Variants in ATP6V1H observed in about 807,000 individuals in gnomAD.
ATP6V1H encodes the protein ATPase H+ transporting V1 subunit H.
ATP6V1H carries 39 observed loss-of-function variants against 71.7 expected under a neutral mutation model. The observed-to-expected ratio is 0.54, with a 90% CI of 0.42 to 0.71. The LOEUF (loss-of-function observed/expected upper bound fraction) is 0.71. Ranked by LOEUF, ATP6V1H falls within the 30% of genes least tolerant of loss-of-function variation. The pLI is 0.00. For missense variants in ATP6V1H, 509 were observed against 594.9 expected, an observed-to-expected ratio of 0.86 and a Z score of 1.50; for synonymous variants, 192 against 199.3, an observed-to-expected ratio of 0.96 and a Z score of 0.31.
intron 2 of ATP6V1H, among the ~76,000 whole-genome samples, chr8:53,838,177 G>A (rs1164584832): frequency 2.0e-5 from 3 of 151,156 alleles, no homozygotes; most frequent in Non-Finnish European, 4.4e-5. Context: ...CCAGGCTGGA[G>A]TGCAGTGGTG....
intron 12 of ATP6V1H, among the ~76,000 whole-genome samples, chr8:53,751,802 T>TA (rs1807808461): frequency 1.3e-5 from 2 of 152,048 alleles, no homozygotes; most frequent in South Asian, 4.2e-4. Context: ...CCTGAGTAGC[T>TA]GGGACTACAG....
At chr8:53,815,242 T>C (rs992572048) in intron 5 of ATP6V1H, among the ~76,000 whole-genome samples, 16 of 152,178 alleles carry the variant, frequency 1.1e-4, no homozygotes, top group Non-Finnish European at 1.9e-4. Flanking sequence ...ATTAGTCGTC[T>C]CTCCCAACAT....
At chr8:53,832,102 T>C (rs781541642) in intron 3 of ATP6V1H, 1 of 152,120 alleles carries the variant, frequency 6.6e-6, no homozygotes, top group Non-Finnish European at 1.5e-5. Context: ...CACAGAAATA[T>C]CTTTACAGGC....
intron 12 of ATP6V1H, among the ~76,000 whole-genome samples, chr8:53,750,238 A>T (rs1442072019): frequency 6.6e-6 from 1 of 152,230 alleles, no homozygotes; most frequent in Non-Finnish European, 1.5e-5. Flanking sequence ...TACGAAAACA[A>T]GTAATTGGAT....
chr8:53,836,740 G>A (rs536816370), intron 2 of ATP6V1H, among the ~76,000 whole-genome samples: 1 of 152,164 alleles, frequency 6.6e-6, no homozygotes, highest in African/African-American at 2.4e-5. Flanking sequence ...CACTTACGCA[G>A]AGGCATTCAG....
chr8:53,833,606 T>A (rs929766449), intron 2 of ATP6V1H, among the ~76,000 whole-genome samples: 7 of 151,778 alleles, frequency 4.6e-5, no homozygotes, highest in African/African-American at 1.5e-4. Context: ...TAACTCTCCA[T>A]CCTGACCCCA....
intron 13 of ATP6V1H, among the ~76,000 whole-genome samples, chr8:53,727,699 G>C (rs551660221): frequency 6.6e-6 from 1 of 152,036 alleles, no homozygotes; most frequent in African/African-American, 2.4e-5. Context: ...TAAATATGTC[G>C]CTCTAGCTTA....
intron 13 of ATP6V1H, among the ~76,000 whole-genome samples, chr8:53,730,475 T>C (rs1183874808): frequency 6.6e-6 from 1 of 152,216 alleles, no homozygotes; most frequent in East Asian, 1.9e-4. Context: ...TTTATTAAAA[T>C]ATTGCAAAGT....
At chr8:53,750,866 T>G (rs1160527138) in intron 12 of ATP6V1H, among the ~76,000 whole-genome samples, 1 of 152,136 alleles carries the variant, frequency 6.6e-6, no homozygotes, top group Non-Finnish European at 1.5e-5. Context: ...AGCAGACACT[T>G]TACTTGACAA....
chr8:53,785,899 GT>G (rs1408748158), intron 9 of ATP6V1H, among the ~76,000 whole-genome samples: 1 of 152,194 alleles, frequency 6.6e-6, no homozygotes, highest in Non-Finnish European at 1.5e-5. Flanking sequence ...TCCTCTGGAA[GT>G]TTTGTCTCAG....
At chr8:53,784,566 T>A (rs1006958368) in intron 9 of ATP6V1H, among the ~76,000 whole-genome samples, 1 of 152,230 alleles carries the variant, frequency 6.6e-6, no homozygotes. Flanking sequence ...ATGTGTGAAT[T>A]TGATCCTGTC....
intron 9 of ATP6V1H, among the ~76,000 whole-genome samples, chr8:53,776,223 G>A (rs1808884502): frequency 6.6e-6 from 1 of 152,198 alleles, no homozygotes; most frequent in African/African-American, 2.4e-5. Flanking sequence ...CGCCCACCCA[G>A]AACTCCAGCT....
intron 4 of ATP6V1H, among the ~76,000 whole-genome samples, chr8:53,821,109 G>A (rs1249936891): frequency 2.7e-5 from 4 of 149,000 alleles, no homozygotes; most frequent in Admixed American, 2.0e-4. Context: ...AGTAGCTCAC[G>A]CCTGTAATTC....
intron 13 of ATP6V1H, 115 bp downstream of exon 13, chr8:53,743,462 T>C (rs1049833330): frequency 1.3e-6 from 1 of 763,234 alleles, no homozygotes; most frequent in African/African-American, 1.8e-5. Context: ...AAATTTTGAA[T>C]CAAAATAACT....
At chr8:53,740,710 G>A (rs1807377191) in intron 13 of ATP6V1H, among the ~76,000 whole-genome samples, 1 of 152,176 alleles carries the variant, frequency 6.6e-6, no homozygotes, top group Non-Finnish European at 1.5e-5. Context: ...TAGTCTTTAT[G>A]AGTTTAGTAT....
At chr8:53,763,702 A>C (rs1382639360) in intron 11 of ATP6V1H, among the ~76,000 whole-genome samples, 1 of 149,058 alleles carries the variant, frequency 6.7e-6, no homozygotes. Context: ...CACAGCAGGA[A>C]AAAAAAAAAT....
chr8:53,751,414 T>A (rs1807792149), intron 12 of ATP6V1H, among the ~76,000 whole-genome samples: 1 of 152,196 alleles, frequency 6.6e-6, no homozygotes, highest in Non-Finnish European at 1.5e-5. Context: ...ATGTGCCTAT[T>A]CACCATGCTA....
chr8:53,782,449 A>C (rs572902255), intron 9 of ATP6V1H, among the ~76,000 whole-genome samples: 414 of 151,864 alleles, frequency 2.7e-3, no homozygotes, highest in Middle Eastern at 0.014. Context: ...GGGCTGAGAC[A>C]ATGGGGTTTT....
At chr8:53,756,692 T>C in intron 11 of ATP6V1H, 36 bp from the exon 12 acceptor site, 2 of 1,451,416 alleles carry the variant, frequency 1.4e-6, no homozygotes, top group Non-Finnish European at 9.6e-7. Flanking sequence ...GATCAAGTTC[T>C]AATTTTTCTA....
Sources: gnomAD v4.1 joint callset for allele counts (sites outside exome capture counted in the v4.1 genomes callset) on GRCh38, gnomAD v4.1.1 for gene constraint, MANE v1.5 for transcripts, NCBI Gene and HGNC (gene_info 2026-07-23, HGNC 2026-07-21) for gene names.